The following CYP19A1 variants were observed in gnomAD, a reference collection of about 807,000 sequenced individuals.
CYP19A1 encodes the protein cytochrome P450 family 19 subfamily A member 1, also known as aromatase.
Under a neutral mutation model 44.4 loss-of-function variants are expected in CYP19A1, and 32 were observed. The ratio of observed to expected loss-of-function variants is 0.72; its 90% confidence interval spans 0.54 to 0.97. The LOEUF (loss-of-function observed/expected upper bound fraction) is 0.97, where lower values mean the gene tolerates loss of function less well. Ranked by LOEUF, CYP19A1 falls within the 50% of genes least tolerant of loss-of-function variation. The pLI, the probability that CYP19A1 is intolerant of heterozygous loss-of-function variation, is 0.00. For synonymous variants in CYP19A1, 212 were observed against 215.6 expected, an observed-to-expected ratio of 0.98 and a Z score of 0.14; for missense variants, 598 against 637.8, an observed-to-expected ratio of 0.94 and a Z score of 0.67.
chr15:51,229,407 C>T (rs1169402086), intron 3 of CYP19A1, among the ~76,000 whole-genome samples: 1 of 146,306 alleles, frequency 6.8e-6, no homozygotes, highest in African/African-American at 2.5e-5. Context: ...AAAAAAAAAG[C>T]AGAGTTATTG....
intron 1 of CYP19A1, among the ~76,000 whole-genome samples, chr15:51,257,804 T>C (rs1444960293): frequency 2.0e-5 from 3 of 152,176 alleles, no homozygotes; most frequent in African/African-American, 7.2e-5. Flanking sequence ...TGGAACATAA[T>C]AACTTTTAAT....
rs77171538 is a variant in CYP19A1 at position 51,286,750 on chromosome 15, A to G, written c.-38-43800T>C. On this transcript the variant is annotated intron_variant, in intron 1 of 9. Transcript: ENST00000396402. ...TCATTCTGCAGATCTGTTGCTTTGT[A>G]CCTGTGCAGCAAGGCAATCAGATGA... Among the ~76,000 whole-genome samples the G allele has an allele frequency of 4.3e-3, 661 of 152,264 alleles. 3 individuals carry two copies. The highest frequency in any genetic ancestry group is 0.015 in the African/African-American group (635 of 41,536).
intron 6 of CYP19A1, 45 bp downstream of exon 6, chr15:51,218,496 C>G (rs754609540): frequency 1.3e-6 from 2 of 1,577,366 alleles, no homozygotes; most frequent in African/African-American, 2.7e-5. Context: ...GGGAAAAAAA[C>G]CAATCCAATT....
At chr15:51,307,409 C>G (rs1437866035) in intron 1 of CYP19A1, among the ~76,000 whole-genome samples, 2 of 152,188 alleles carry the variant, frequency 1.3e-5, no homozygotes, top group East Asian at 3.8e-4. Flanking sequence ...CTCAGGTAAT[C>G]TTCTTTCTCT....
chr15:51,279,346 A>T (rs2035435542), intron 1 of CYP19A1, among the ~76,000 whole-genome samples: 1 of 152,194 alleles, frequency 6.6e-6, no homozygotes, highest in Admixed American at 6.5e-5. Context: ...GGGGGCTGGG[A>T]TGGGAGCCCA....
chr15:51,297,863 CA>C (rs1566917260), intron 1 of CYP19A1, among the ~76,000 whole-genome samples: 5 of 151,216 alleles, frequency 3.3e-5, no homozygotes, highest in South Asian at 2.1e-4. Context: ...CACACACACA[CA>C]CACACCCTAG....
intron 3 of CYP19A1, among the ~76,000 whole-genome samples, chr15:51,233,868 C>T (rs554778400): frequency 4.7e-4 from 71 of 152,258 alleles, no homozygotes; most frequent in African/African-American, 1.6e-3. Context: ...GGGTAGCTGC[C>T]TGGGGAACGG....
At chr15:51,282,529 A>G (rs1279269643) in intron 1 of CYP19A1, among the ~76,000 whole-genome samples, 1 of 152,226 alleles carries the variant, frequency 6.6e-6, no homozygotes, top group Non-Finnish European at 1.5e-5. Context: ...TTGACCACCA[A>G]TAAATAGTCT....
intron 1 of CYP19A1, among the ~76,000 whole-genome samples, chr15:51,280,596 C>G (rs1159677846): frequency 1.3e-5 from 2 of 152,178 alleles, no homozygotes; most frequent in Non-Finnish European, 2.9e-5. Context: ...TAGTCCTTGG[C>G]AGGCTCCAGG....
chr15:51,310,273 A>G (rs2036288386), intron 1 of CYP19A1, among the ~76,000 whole-genome samples: 1 of 152,184 alleles, frequency 6.6e-6, no homozygotes, highest in Non-Finnish European at 1.5e-5. Context: ...AAGCAGCTAG[A>G]TTGCGAAAAG....
intron 1 of CYP19A1, among the ~76,000 whole-genome samples, chr15:51,316,645 G>A (rs962589958): frequency 5.9e-5 from 9 of 151,540 alleles, no homozygotes; most frequent in East Asian, 2.0e-4. Flanking sequence ...TTGGAAGGCC[G>A]AAGTGGGTGC....
intron 1 of CYP19A1, among the ~76,000 whole-genome samples, chr15:51,294,457 T>A (rs2035931445): frequency 8.4e-6 from 1 of 118,906 alleles, no homozygotes; most frequent in Admixed American, 7.8e-5. Context: ...GTCTGAGAAG[T>A]GAGGAGCCCC....
intron 1 of CYP19A1, among the ~76,000 whole-genome samples, chr15:51,324,451 G>A (rs1222480932): frequency 6.6e-6 from 1 of 152,126 alleles, no homozygotes; most frequent in African/African-American, 2.4e-5. Context: ...TAAAGAGAGG[G>A]GCCATCACAC....
At chr15:51,229,416 T>G (rs1257829742) in intron 3 of CYP19A1, among the ~76,000 whole-genome samples, 1 of 150,866 alleles carries the variant, frequency 6.6e-6, no homozygotes, top group Non-Finnish European at 1.5e-5. Context: ...GCAGAGTTAT[T>G]GTATAAATAA....
chr15:51,325,516 A>G (rs941694189), intron 1 of CYP19A1, among the ~76,000 whole-genome samples: 6 of 152,150 alleles, frequency 3.9e-5, no homozygotes, highest in Admixed American at 6.5e-5. Context: ...ACATCTCTAT[A>G]TGCCCATTGT....
At chr15:51,328,257 A>G (rs1353414100) in intron 1 of CYP19A1, among the ~76,000 whole-genome samples, 1 of 152,252 alleles carries the variant, frequency 6.6e-6, no homozygotes, top group Admixed American at 6.5e-5. Flanking sequence ...GTGTGTTTAT[A>G]TATAAAATGG....
chr15:51,290,423 T>G (rs142210690), intron 1 of CYP19A1, among the ~76,000 whole-genome samples: 209 of 152,340 alleles, frequency 1.4e-3, no homozygotes, highest in African/African-American at 4.6e-3. Context: ...TTTTTATTCC[T>G]AAGTCTTCAG....
chr15:51,227,710 A>T (rs994213496), intron 4 of CYP19A1, 69 bp downstream of exon 4: 10 of 515,686 alleles, frequency 1.9e-5, no homozygotes, highest in African/African-American at 1.9e-4. Context: ...AAAATATTTT[A>T]AAAATATGAT....
intron 1 of CYP19A1, among the ~76,000 whole-genome samples, chr15:51,257,167 T>C (rs1481530821): frequency 2.0e-5 from 3 of 152,238 alleles, no homozygotes; most frequent in Non-Finnish European, 4.4e-5. Context: ...CTACCTTTTA[T>C]TGAGTGCCAA....
Sources: gnomAD v4.1 joint callset for allele counts (sites outside exome capture counted in the v4.1 genomes callset) on GRCh38, gnomAD v4.1.1 for gene constraint, MANE v1.5 for transcripts, NCBI Gene and HGNC (gene_info 2026-07-23, HGNC 2026-07-21) for gene names.